The following RASGEF1A variants were observed in gnomAD, a reference collection of about 807,000 sequenced individuals.
The protein encoded by RASGEF1A is RasGEF domain family member 1A.
In RASGEF1A, 18 loss-of-function variants were observed where a neutral mutation model predicts 56.4. The observed-to-expected ratio is 0.32, with a 90% confidence interval of 0.22 to 0.47. RASGEF1A has a LOEUF of 0.47. Ranked by LOEUF, RASGEF1A falls within the 20% of genes least tolerant of loss-of-function variation. RASGEF1A has a pLI of 1.00. For synonymous variants in RASGEF1A, 245 were observed against 242.6 expected (o/e 1.01, Z -0.09); for missense variants, 422 against 627.1 (o/e 0.67, Z 3.49).
At chr10:43,259,619 A>C (rs1167160615) in intron 1 of RASGEF1A, among the ~76,000 whole-genome samples, 3 of 152,176 alleles carry the variant, frequency 2.0e-5, no homozygotes, top group Non-Finnish European at 2.9e-5. Flanking sequence ...ACCCTCTCTA[A>C]ACCCCTTCTA....
chr10:43,257,980 A>C (rs1836453876), intron 1 of RASGEF1A, among the ~76,000 whole-genome samples: 1 of 152,188 alleles, frequency 6.6e-6, no homozygotes, highest in Non-Finnish European at 1.5e-5. Flanking sequence ...CCAGGACATG[A>C]GGGCCTCCAG....
At chr10:43,201,423 T>C (rs992392185) in intron 4 of RASGEF1A, among the ~76,000 whole-genome samples, 4 of 152,098 alleles carry the variant, frequency 2.6e-5, no homozygotes, top group African/African-American at 9.7e-5. Context: ...GTGAAGACAT[T>C]TGAAAAATGG....
At chr10:43,258,960 AC>A (rs1836477600) in intron 1 of RASGEF1A, among the ~76,000 whole-genome samples, 1 of 152,060 alleles carries the variant, frequency 6.6e-6, no homozygotes, top group African/African-American at 2.4e-5. Context: ...AGTGCTCCCC[AC>A]CCTGCACTGC....
intron 1 of RASGEF1A, among the ~76,000 whole-genome samples, chr10:43,215,779 C>T (rs369165483): frequency 2.6e-4 from 39 of 152,306 alleles, no homozygotes; most frequent in African/African-American, 9.4e-4. Context: ...CCACGCACAA[C>T]GGCCACAGAT....
At chr10:43,205,269 G>A (rs1455158094) in intron 2 of RASGEF1A, among the ~76,000 whole-genome samples, 2 of 152,206 alleles carry the variant, frequency 1.3e-5, no homozygotes, top group Non-Finnish European at 2.9e-5. Flanking sequence ...CAGGCCCAGT[G>A]CCACTGCTGC....
chr10:43,238,636 G>C (rs1023715239), intron 1 of RASGEF1A, among the ~76,000 whole-genome samples: 13 of 152,324 alleles, frequency 8.5e-5, no homozygotes, highest in African/African-American at 2.6e-4. Flanking sequence ...ACATGTTGCA[G>C]GGCAGGGGAG....
chr10:43,223,910 G>T (rs1840240981), intron 1 of RASGEF1A, among the ~76,000 whole-genome samples: 1 of 151,898 alleles, frequency 6.6e-6, no homozygotes, highest in Non-Finnish European at 1.5e-5. Context: ...CATTGGGCAT[G>T]AAAAAAGGGA....
At chr10:43,204,648 C>T (rs369943400) in intron 2 of RASGEF1A, among the ~76,000 whole-genome samples, 2 of 151,358 alleles carry the variant, frequency 1.3e-5, no homozygotes, top group Admixed American at 1.3e-4. Flanking sequence ...GTTCAGCTAC[C>T]GGTGCACATG....
chr10:43,203,193 T>G, intron 3 of RASGEF1A, 105 bp downstream of exon 3: 1 of 729,934 alleles, frequency 1.4e-6, no homozygotes, highest in Non-Finnish European at 1.8e-6. Context: ...CCTGACCCCA[T>G]CCCCCAGCTC....
rs1367905484 is a variant in RASGEF1A at position 43,195,616 on chromosome 10, C to G, written c.*628G>C. ...CCAGGTGCCCCCTGCCCCTCCCTGA[C>G]CCCACAAATCCCTGAAAGGAAAATG... On this transcript the variant is annotated 3_prime_UTR_variant, in exon 13 of 13. Coordinates refer to ENST00000395810, the MANE Select transcript of RASGEF1A (RefSeq NM_145313.4). The surrounding 1 kb of genome is among the most constrained non-coding windows in gnomAD (Gnocchi z 4.2). 1.3e-5 allele frequency: 2 copies of G among 152,570 alleles called. No individual in the cohort carries two copies. Among genetic ancestry groups the G allele is most frequent in the Non-Finnish European group, 2.9e-5 (2 of 68,034 alleles). 9.5% of individuals were successfully genotyped at this position (152,570 alleles called of 1,614,324 possible).
chr10:43,255,049 G>A (rs114339558), intron 1 of RASGEF1A, among the ~76,000 whole-genome samples: 1,576 of 152,268 alleles, frequency 0.01, 25 homozygotes, highest in African/African-American at 0.036. Context: ...GGAAGTGTGG[G>A]GTTTCCAGCA....
intron 1 of RASGEF1A, among the ~76,000 whole-genome samples, chr10:43,234,561 C>T (rs1378622793): frequency 6.6e-6 from 1 of 152,178 alleles, no homozygotes; most frequent in Admixed American, 6.5e-5. Flanking sequence ...GCTACAGAGG[C>T]CCTGATGAGG....
intron 1 of RASGEF1A, among the ~76,000 whole-genome samples, chr10:43,257,218 G>A (rs1267264153): frequency 6.6e-6 from 1 of 152,242 alleles, no homozygotes; most frequent in East Asian, 1.9e-4. Context: ...CATGAGGCCT[G>A]GGTTCACACC....
At chr10:43,263,656 C>A (rs570042179) in intron 1 of RASGEF1A, among the ~76,000 whole-genome samples, 1 of 152,284 alleles carries the variant, frequency 6.6e-6, no homozygotes, top group African/African-American at 2.4e-5. Flanking sequence ...CTGCCCTGGG[C>A]AGCACAGGCC....
At chr10:43,230,589 C>CCGG (rs1265513398) in intron 1 of RASGEF1A, among the ~76,000 whole-genome samples, 1 of 152,084 alleles carries the variant, frequency 6.6e-6, no homozygotes, top group Non-Finnish European at 1.5e-5. Flanking sequence ...TCCGAGTTGG[C>CCGG]CGGCGGGGCG....
intron 1 of RASGEF1A, among the ~76,000 whole-genome samples, chr10:43,206,437 G>C: frequency 6.6e-6 from 1 of 152,268 alleles, no homozygotes; most frequent in East Asian, 1.9e-4. Context: ...GGAGCCTGCG[G>C]TGGGCAGTCA....
chr10:43,234,448 G>A (rs1486178260), intron 1 of RASGEF1A, among the ~76,000 whole-genome samples: 2 of 152,164 alleles, frequency 1.3e-5, no homozygotes, highest in African/African-American at 4.8e-5. Flanking sequence ...GGCATCCACT[G>A]GTTTTGGAGG....
chr10:43,196,750 C>G lies in RASGEF1A; in HGVS notation c.1349-202G>C, dbSNP rs1229317610. ...CTCGTGTTGCAGCACCTGACCTAAG[C>G]CCATGTGACCCTCTCCAGTGGCTGC... On this transcript the variant is annotated intron_variant, in intron 11 of 12. Coordinates refer to ENST00000395810, the MANE Select transcript of RASGEF1A (RefSeq NM_145313.4). This position sits in a 1 kb window ranked among gnomAD's most constrained non-coding sequence, Gnocchi z 4.6. Among the ~76,000 whole-genome samples, 13 of 152,202 alleles carry G rather than the reference C, an allele frequency of 8.5e-5. No homozygotes were observed. The highest frequency in any genetic ancestry group is 3.1e-4 in the African/African-American group (13 of 41,462).
At chr10:43,215,805 T>A (rs1484156598) in intron 1 of RASGEF1A, among the ~76,000 whole-genome samples, 1 of 152,128 alleles carries the variant, frequency 6.6e-6, no homozygotes, top group Admixed American at 6.5e-5. Context: ...CATGATATTC[T>A]GGGTTAGGAG....
Sources: allele counts gnomAD v4.1 joint callset (sites outside exome capture counted in the v4.1 genomes callset), GRCh38; gene constraint gnomAD v4.1.1; non-coding constraint Gnocchi (gnomAD v3.1); transcripts MANE v1.5; gene names NCBI Gene and HGNC (gene_info 2026-07-23, HGNC 2026-07-21).